The following ADGRB3 variants were observed in gnomAD, a reference collection of about 807,000 sequenced individuals.
ADGRB3 encodes adhesion G protein-coupled receptor B3.
ADGRB3 carries 37 observed loss-of-function variants against 193.4 expected under a neutral mutation model. The observed-to-expected ratio is 0.19, with a 90% CI of 0.15 to 0.25. The LOEUF is 0.25. Among genes scored for constraint, ADGRB3 ranks in the 10% least tolerant of loss-of-function variants. ADGRB3 has a pLI of 1.00. For missense variants in ADGRB3, 1,637 were observed against 1,852.9 expected (o/e 0.88, Z 2.14); for synonymous variants, 690 against 644.2 (o/e 1.07, Z -1.08).
At chr6:68,792,576 G>A (rs1400079973) in intron 3 of ADGRB3, among the ~76,000 whole-genome samples, 1 of 152,026 alleles carries the variant, frequency 6.6e-6, no homozygotes, top group South Asian at 2.1e-4. Context: ...GTGTTGTCCT[G>A]GAACATACTT....
intron 8 of ADGRB3, among the ~76,000 whole-genome samples, chr6:68,966,269 A>G (rs1035223334): frequency 1.3e-5 from 2 of 152,072 alleles, no homozygotes; most frequent in African/African-American, 4.8e-5. Context: ...CATCATTTAG[A>G]TTGTGGTAGG....
chr6:68,742,197 C>T (rs1042178668), intron 3 of ADGRB3, among the ~76,000 whole-genome samples: 13 of 152,266 alleles, frequency 8.5e-5, no homozygotes, highest in Admixed American at 2.6e-4. Flanking sequence ...TATCACAAGT[C>T]ATTGCTAATG....
At chr6:68,766,414 G>A (rs1161515810) in intron 3 of ADGRB3, among the ~76,000 whole-genome samples, 4 of 151,572 alleles carry the variant, frequency 2.6e-5, no homozygotes, top group South Asian at 2.1e-4. Context: ...AGGTTATGTC[G>A]GTTTATACAC....
intron 3 of ADGRB3, among the ~76,000 whole-genome samples, chr6:68,733,837 A>G (rs932922577): frequency 1.3e-5 from 2 of 151,994 alleles, no homozygotes; most frequent in Admixed American, 1.3e-4. Context: ...TACGTGTAAG[A>G]ATGTACATGA....
chr6:69,051,905 T>C (rs1024894085), intron 15 of ADGRB3, among the ~76,000 whole-genome samples: 3 of 152,104 alleles, frequency 2.0e-5, no homozygotes, highest in Non-Finnish European at 4.4e-5. Flanking sequence ...TTAATTTTCT[T>C]TTTTTTTGAG....
intron 17 of ADGRB3, among the ~76,000 whole-genome samples, chr6:69,142,794 T>C (rs562397598): frequency 9.2e-5 from 14 of 152,310 alleles, no homozygotes; most frequent in African/African-American, 3.4e-4. Flanking sequence ...GGGTCTCTGC[T>C]GAGAGTTCCT....
At chr6:68,754,053 G>A (rs1237742836) in intron 3 of ADGRB3, among the ~76,000 whole-genome samples, 1 of 152,178 alleles carries the variant, frequency 6.6e-6, no homozygotes, top group Non-Finnish European at 1.5e-5. Flanking sequence ...GCGGGTCCCT[G>A]TGGGGAGAGC....
At chr6:69,274,496 C>A (rs895791457) in intron 20 of ADGRB3, among the ~76,000 whole-genome samples, 1 of 141,986 alleles carries the variant, frequency 7.0e-6, no homozygotes, top group Non-Finnish European at 1.5e-5. Flanking sequence ...TCCCTCCCTC[C>A]CTTTCTTCTT....
chr6:69,208,488 G>C (rs1455162570), intron 17 of ADGRB3, among the ~76,000 whole-genome samples: 1 of 152,162 alleles, frequency 6.6e-6, no homozygotes, highest in African/African-American at 2.4e-5. Flanking sequence ...ATAACCAGGT[G>C]CACTGCTCGA....
chr6:69,317,521 C>A (rs1426638146), intron 20 of ADGRB3, among the ~76,000 whole-genome samples: 1 of 151,430 alleles, frequency 6.6e-6, no homozygotes, highest in Admixed American at 6.6e-5. Flanking sequence ...GATTTTTCAA[C>A]CAACCATTCT....
chr6:69,225,830 T>C (rs914004567), intron 17 of ADGRB3, among the ~76,000 whole-genome samples: 1 of 152,216 alleles, frequency 6.6e-6, no homozygotes, highest in African/African-American at 2.4e-5. Context: ...CCACAACACC[T>C]AACACTGACT....
At chr6:68,715,989 C>T (rs193133159) in intron 3 of ADGRB3, among the ~76,000 whole-genome samples, 96 of 151,542 alleles carry the variant, frequency 6.3e-4, no homozygotes, top group African/African-American at 2.0e-3. Context: ...CCTGTCTAAA[C>T]GTCAAAAAAA....
intron 17 of ADGRB3, among the ~76,000 whole-genome samples, chr6:69,204,250 T>A (rs959025462): frequency 6.6e-5 from 10 of 152,278 alleles, no homozygotes; most frequent in African/African-American, 2.4e-4. Flanking sequence ...AAGCAAAGTG[T>A]TTCCTTTGGA....
chr6:68,746,711 G>T (rs2127345041), intron 3 of ADGRB3, among the ~76,000 whole-genome samples: 2 of 151,634 alleles, frequency 1.3e-5, no homozygotes, highest in South Asian at 4.2e-4. Context: ...GTTTTTCTCG[G>T]TCTCTCCAAA....
intron 20 of ADGRB3, among the ~76,000 whole-genome samples, chr6:69,257,593 C>A (rs1355908929): frequency 1.3e-5 from 2 of 152,058 alleles, no homozygotes; most frequent in African/African-American, 4.8e-5. Flanking sequence ...TACCTATTTC[C>A]ACTGCTAGAA....
At chr6:69,319,492 T>C (rs944978158) in intron 20 of ADGRB3, among the ~76,000 whole-genome samples, 1 of 151,346 alleles carries the variant, frequency 6.6e-6, no homozygotes, top group African/African-American at 2.4e-5. Flanking sequence ...ATCATCAATA[T>C]TATTATTTCC....
At chr6:68,791,251 C>G (rs1767101716) in intron 3 of ADGRB3, among the ~76,000 whole-genome samples, 1 of 152,190 alleles carries the variant, frequency 6.6e-6, no homozygotes, top group Middle Eastern at 3.4e-3. Flanking sequence ...TTTATGTCCT[C>G]TCACACCTGT....
chr6:68,888,405 A>T (rs1403926), intron 3 of ADGRB3, among the ~76,000 whole-genome samples: 7 of 151,992 alleles, frequency 4.6e-5, no homozygotes, highest in Admixed American at 3.3e-4. Context: ...AAGAGAGAGA[A>T]ATCACAAGTG....
At chr6:68,703,825 G>A (rs1316087049) in intron 3 of ADGRB3, among the ~76,000 whole-genome samples, 2 of 151,992 alleles carry the variant, frequency 1.3e-5, no homozygotes, top group Non-Finnish European at 2.9e-5. Context: ...GTTTCATCGT[G>A]TTGGTCAGGA....
Sources: allele counts gnomAD v4.1 joint callset (sites outside exome capture counted in the v4.1 genomes callset), GRCh38; gene constraint gnomAD v4.1.1; transcripts MANE v1.5; gene names NCBI Gene and HGNC (gene_info 2026-07-23, HGNC 2026-07-21).